Variants in BTBD9 observed in about 807,000 individuals in gnomAD.
BTBD9 encodes BTB/POZ domain-containing protein 9.
BTBD9 carries 49 observed loss-of-function variants against 64.3 expected under a neutral mutation model. The ratio of observed to expected loss-of-function variants is 0.76; its 90% confidence interval spans 0.61 to 0.97. The LOEUF is 0.97. Among genes scored for constraint, BTBD9 ranks in the 50% least tolerant of loss-of-function variants. BTBD9 has a pLI of 0.00. For synonymous variants in BTBD9, 260 were observed against 274.7 expected, an observed-to-expected ratio of 0.95 and a Z score of 0.53; for missense variants, 598 against 762.1, an observed-to-expected ratio of 0.78 and a Z score of 2.53.
chr6:38,413,580 T>C (rs2814888), intron 6 of BTBD9, among the ~76,000 whole-genome samples: 79,116 of 151,914 alleles, frequency 0.52, 21,156 homozygotes, highest in African/African-American at 0.65. Context: ...CAGCCAGTTA[T>C]TCATCACTTT....
intron 6 of BTBD9, among the ~76,000 whole-genome samples, chr6:38,361,315 G>A (rs762138627): frequency 3.8e-4 from 57 of 148,222 alleles, no homozygotes; most frequent in Non-Finnish European, 6.6e-4. Flanking sequence ...AGGCTGAAGC[G>A]GGAGGACTGC....
intron 6 of BTBD9, among the ~76,000 whole-genome samples, chr6:38,513,429 C>G (rs1169462413): frequency 6.6e-6 from 1 of 150,534 alleles, no homozygotes; most frequent in Non-Finnish European, 1.5e-5. Context: ...GCTTGGGCAA[C>G]AGAGTGAGAC....
intron 6 of BTBD9, among the ~76,000 whole-genome samples, chr6:38,425,954 A>G (rs1768125587): frequency 1.4e-5 from 2 of 147,518 alleles, no homozygotes; most frequent in Non-Finnish European, 3.0e-5. Flanking sequence ...ACACACACAC[A>G]CACAAACAAA....
chr6:38,270,391 C>T (rs1765159325), intron 8 of BTBD9, among the ~76,000 whole-genome samples: 1 of 151,268 alleles, frequency 6.6e-6, no homozygotes, highest in South Asian at 2.1e-4. Flanking sequence ...AAGGTAGAGA[C>T]AAAAAAGATC....
intron 6 of BTBD9, among the ~76,000 whole-genome samples, chr6:38,510,010 TTG>T (rs1303155099): frequency 1.3e-5 from 2 of 152,198 alleles, no homozygotes; most frequent in African/African-American, 4.8e-5. Context: ...AATCCTACAG[TTG>T]GCTTTGTCTC....
intron 4 of BTBD9, chr6:38,587,295 G>A (rs993746854): frequency 2.3e-5 from 9 of 395,464 alleles, no homozygotes; most frequent in Non-Finnish European, 4.5e-5. Context: ...TTCTAGGGTT[G>A]TATAGATAGA....
chr6:38,629,928 C>T (rs1778305964), intron 1 of BTBD9, among the ~76,000 whole-genome samples: 1 of 151,978 alleles, frequency 6.6e-6, no homozygotes, highest in Non-Finnish European at 1.5e-5. Flanking sequence ...GGAGACCAGG[C>T]CAGGCGTGGT....
intron 9 of BTBD9, among the ~76,000 whole-genome samples, chr6:38,242,115 T>C (rs1764010276): frequency 6.6e-6 from 1 of 152,322 alleles, no homozygotes; most frequent in South Asian, 2.1e-4. Flanking sequence ...TTTGTATCCA[T>C]AGTCTTCATC....
chr6:38,538,773 TTTTC>T (rs1222370771), intron 6 of BTBD9, among the ~76,000 whole-genome samples: 1 of 118,856 alleles, frequency 8.4e-6, no homozygotes, highest in African/African-American at 3.2e-5. Context: ...ATATCTAGCT[TTTTC>T]TTTTTCTTTT....
chr6:38,284,982 A>G (rs1483474255), intron 8 of BTBD9, among the ~76,000 whole-genome samples: 2 of 141,434 alleles, frequency 1.4e-5, no homozygotes, highest in East Asian at 4.8e-4. Flanking sequence ...AGTCCAGAGT[A>G]GCACAGGGTT....
At chr6:38,462,261 C>T (rs981556415) in intron 6 of BTBD9, among the ~76,000 whole-genome samples, 7 of 152,024 alleles carry the variant, frequency 4.6e-5, no homozygotes, top group South Asian at 2.1e-4. Flanking sequence ...TTTTCTCTTA[C>T]GTTTTCTTTT....
At chr6:38,625,278 G>A (rs1000932611) in intron 1 of BTBD9, among the ~76,000 whole-genome samples, 50 of 152,226 alleles carry the variant, frequency 3.3e-4, no homozygotes, top group Admixed American at 5.9e-4. Flanking sequence ...CAAGATTTAC[G>A]ATAATATAAT....
intron 6 of BTBD9, among the ~76,000 whole-genome samples, chr6:38,508,068 T>G (rs1554164305): frequency 1.3e-5 from 2 of 151,964 alleles, no homozygotes. Context: ...CTCCTGACCT[T>G]GTGATCCACC....
At chr6:38,539,964 T>C (rs1034140001) in intron 6 of BTBD9, among the ~76,000 whole-genome samples, 2 of 152,196 alleles carry the variant, frequency 1.3e-5, no homozygotes, top group South Asian at 4.1e-4. Context: ...TTACCGATCT[T>C]AAAGGTTTCT....
In BTBD9 at chr6:38,300,923, C is replaced by T. The variant is rs769190368; in HGVS notation, c.1265-12462G>A. Among the ~76,000 whole-genome samples, 224 of 152,164 alleles carry T rather than the reference C, an allele frequency of 1.5e-3. 1 individual carries two copies. The highest frequency in any genetic ancestry group is 2.3e-3 in the Non-Finnish European group (156 of 67,990). ...TGAATAGGAGTGGTGAGAGAGGGCA[C>T]CCCTGTCTTGTGCCAGTTTTCAAAG... On this transcript the variant is annotated intron_variant, in intron 7 of 10. Coordinates refer to ENST00000481247, the MANE Select transcript of BTBD9 (RefSeq NM_001099272.2).
At chr6:38,297,611 C>A (rs1292625487) in intron 7 of BTBD9, among the ~76,000 whole-genome samples, 10 of 152,072 alleles carry the variant, frequency 6.6e-5, no homozygotes, top group African/African-American at 2.4e-4. Context: ...ACATTGTCTA[C>A]TATTTCCTTA....
chr6:38,399,636 A>ATT (rs67093091), intron 6 of BTBD9, among the ~76,000 whole-genome samples: 79 of 151,702 alleles, frequency 5.2e-4, no homozygotes, highest in African/African-American at 2.2e-4. Context: ...AACAACCTAG[A>ATT]TTTTTTTTTA....
intron 6 of BTBD9, among the ~76,000 whole-genome samples, chr6:38,351,755 T>C (rs1764524358): frequency 6.6e-6 from 1 of 152,016 alleles, no homozygotes; most frequent in African/African-American, 2.4e-5. Context: ...CGCCTCGGCC[T>C]CCCAAAGTGC....
intron 6 of BTBD9, among the ~76,000 whole-genome samples, chr6:38,374,323 A>ATATATG (rs1562095919): frequency 9.0e-5 from 11 of 121,808 alleles, no homozygotes; most frequent in African/African-American, 3.3e-4. Flanking sequence ...ATATATATAT[A>ATATATG]TATGTATATA....
Sources: gnomAD v4.1 joint callset for allele counts (sites outside exome capture counted in the v4.1 genomes callset) on GRCh38, gnomAD v4.1.1 for gene constraint, MANE v1.5 for transcripts, NCBI Gene and HGNC (gene_info 2026-07-23, HGNC 2026-07-21) for gene names.